DDC: variants seen among roughly 807,000 people sequenced by gnomAD.
The protein encoded by DDC is aromatic-L-amino-acid decarboxylase.
Under a neutral mutation model 60.0 loss-of-function variants are expected in DDC, and 43 were observed. The observed-to-expected ratio is 0.72, with a 90% CI of 0.56 to 0.92. The LOEUF (loss-of-function observed/expected upper bound fraction) is 0.92, where lower values mean the gene tolerates loss of function less well. DDC is among the 40% of genes least tolerant of loss of function. The probability of loss-of-function intolerance (pLI) is 0.00; values close to 1 mark genes in which losing one functional copy is unlikely to be tolerated. For synonymous variants in DDC, 232 were observed against 234.6 expected (o/e 0.99, Z 0.10); for missense variants, 573 against 620.2 (o/e 0.92, Z 0.81).
intron 6 of DDC, among the ~76,000 whole-genome samples, chr7:50,513,151 T>G (rs1230847241): frequency 2.0e-5 from 3 of 152,180 alleles, no homozygotes; most frequent in African/African-American, 4.8e-5. Context: ...CCCTAAGTAC[T>G]GTGAGTGCCC....
intron 6 of DDC, among the ~76,000 whole-genome samples, chr7:50,521,704 C>G (rs1429733903): frequency 6.6e-6 from 1 of 152,132 alleles, no homozygotes; most frequent in Non-Finnish European, 1.5e-5. Context: ...TGACAAAATT[C>G]AACACTTGTT....
In DDC at chr7:50,463,227, A is replaced by C; in HGVS notation, c.*4T>G. The C allele has an allele frequency of 6.2e-7, 1 of 1,608,260 alleles. No individual in the cohort carries two copies. The highest frequency in any genetic ancestry group is 8.5e-7 in the Non-Finnish European group (1 of 1,177,554). On this transcript the variant is annotated 3_prime_UTR_variant, in exon 14 of 15. Transcript: ENST00000444124. ...GGGCAGCCTACCTGCAGCTGGCTTC[A>C]CTCCTACTCCCTCTCTGCTCGCAGC... is the stretch of plus-strand genomic sequence containing the variant.
chr7:50,559,326 C>A (rs1197701825), intron 1 of DDC, among the ~76,000 whole-genome samples: 1 of 152,170 alleles, frequency 6.6e-6, no homozygotes, highest in Non-Finnish European at 1.5e-5. Flanking sequence ...GTCCTGTGCC[C>A]ATCGCTGTCC....
chr7:50,488,714 T>C (rs2042937195), intron 9 of DDC, among the ~76,000 whole-genome samples: 1 of 152,180 alleles, frequency 6.6e-6, no homozygotes, highest in Non-Finnish European at 1.5e-5. Context: ...ATATTAAAAA[T>C]ACACTAATAA....
chr7:50,483,197 A>G (rs1352801452), intron 9 of DDC, among the ~76,000 whole-genome samples: 3 of 152,154 alleles, frequency 2.0e-5, no homozygotes, highest in Non-Finnish European at 4.4e-5. Flanking sequence ...CGATTTTACT[A>G]AGACATTTTG....
intron 11 of DDC, among the ~76,000 whole-genome samples, chr7:50,474,659 C>G (rs1055635917): frequency 1.2e-4 from 18 of 152,312 alleles, no homozygotes; most frequent in Admixed American, 2.6e-4. Flanking sequence ...GCCAGCATTG[C>G]TGGGGATTGT....
rs1279299558 is a variant in DDC, at chr7:50,459,837, A to G, written c.*19-994T>C. ...GCCCCGTCCGGGAGGGAGGTGGGGG[A>G]ATCAGCCCCCGGCCCGGCCAGCCGC... On this transcript the variant is annotated intron_variant, in intron 14 of 14. Transcript: ENST00000444124. Among the ~76,000 whole-genome samples the G allele has an allele frequency of 7.8e-3, 719 of 92,102 alleles. 3 individuals are homozygous for G. Among genetic ancestry groups the G allele is most frequent in the African/African-American group, 0.026 (575 of 21,852 alleles). 60.4% of individuals were successfully genotyped at this position (92,102 alleles called of 152,430 possible).
At chr7:50,462,009 G>T (rs2042284706) in intron 14 of DDC, among the ~76,000 whole-genome samples, 1 of 152,106 alleles carries the variant, frequency 6.6e-6, no homozygotes, top group African/African-American at 2.4e-5. Flanking sequence ...CTTCTGACTT[G>T]TTGAGCACTA....
At chr7:50,538,066 A>G in intron 3 of DDC, 87 bp from the exon 4 acceptor site, 2 of 1,508,172 alleles carry the variant, frequency 1.3e-6, no homozygotes, top group Non-Finnish European at 1.8e-6. Context: ...TTAACCTTCC[A>G]CTAAAGCCCA....
At chr7:50,500,131 C>T (rs1007749) in intron 7 of DDC, among the ~76,000 whole-genome samples, 2,934 of 152,110 alleles carry the variant, frequency 0.019, 168 homozygotes, top group Admixed American at 0.12. Flanking sequence ...ACAGAGAGGG[C>T]GCGAGCCACC....
chr7:50,543,564 A>C (rs2044702737), intron 2 of DDC: 2 of 395,670 alleles, frequency 5.1e-6, no homozygotes, highest in Non-Finnish European at 9.6e-6. Flanking sequence ...TTGCTTCCTA[A>C]TGTATATGAG....
intron 8 of DDC, among the ~76,000 whole-genome samples, chr7:50,498,060 T>C (rs1241135019): frequency 6.6e-6 from 1 of 152,232 alleles, no homozygotes; most frequent in Non-Finnish European, 1.5e-5. Context: ...AAGCACCTAA[T>C]GCAATTTCAG....
At chr7:50,558,822 G>T (rs943472636) in intron 1 of DDC, among the ~76,000 whole-genome samples, 4 of 152,194 alleles carry the variant, frequency 2.6e-5, no homozygotes, top group Non-Finnish European at 5.9e-5. Context: ...CACTGGGGAT[G>T]GGGAAGGTGG....
intron 11 of DDC, 42 bp downstream of exon 11, chr7:50,476,582 A>C (rs1198101661): frequency 5.1e-6 from 8 of 1,579,076 alleles, no homozygotes. Flanking sequence ...GCCCCCCAGC[A>C]CTCCACTAGC....
At chr7:50,544,149 C>T in intron 1 of DDC, 36 bp from the exon 2 acceptor site, 6 of 1,527,756 alleles carry the variant, frequency 3.9e-6, no homozygotes, top group South Asian at 2.2e-5. Flanking sequence ...GCAAATTTTG[C>T]AACCTCTGAA....
At chr7:50,550,377 A>G (rs939667154) in intron 1 of DDC, among the ~76,000 whole-genome samples, 5 of 152,216 alleles carry the variant, frequency 3.3e-5, no homozygotes, top group African/African-American at 1.2e-4. Context: ...GTGTAAACAG[A>G]ACTTTTGTAT....
chr7:50,465,599 T>C (rs919143914), intron 13 of DDC, among the ~76,000 whole-genome samples: 1 of 152,230 alleles, frequency 6.6e-6, no homozygotes, highest in Admixed American at 6.5e-5. Flanking sequence ...CTCGAACTCC[T>C]GACCTCAAGT....
At chr7:50,548,575 T>C (rs2044880813) in intron 1 of DDC, among the ~76,000 whole-genome samples, 1 of 152,166 alleles carries the variant, frequency 6.6e-6, no homozygotes, top group Non-Finnish European at 1.5e-5. Flanking sequence ...CTATGAAGAC[T>C]GAAAGAGGTG....
intron 6 of DDC, among the ~76,000 whole-genome samples, chr7:50,516,834 A>G (rs970792902): frequency 2.6e-5 from 4 of 152,166 alleles, no homozygotes; most frequent in African/African-American, 2.4e-5. Context: ...CCCTTAAGAC[A>G]TGGAGAAATT....
Sources: allele counts gnomAD v4.1 joint callset (sites outside exome capture counted in the v4.1 genomes callset), GRCh38; gene constraint gnomAD v4.1.1; transcripts MANE v1.5; gene names NCBI Gene and HGNC (gene_info 2026-07-23, HGNC 2026-07-21).